Variants in AUTS2 observed in about 807,000 individuals in gnomAD.
AUTS2 encodes the protein activator of transcription and developmental regulator AUTS2.
A neutral mutation model predicts 112.4 loss-of-function variants in AUTS2; 17 were observed. The ratio of observed to expected loss-of-function variants is 0.15; its 90% CI spans 0.10 to 0.23. The LOEUF (loss-of-function observed/expected upper bound fraction) is 0.23. Among genes scored for constraint, AUTS2 ranks in the 10% least tolerant of loss-of-function variants. The pLI, the probability that AUTS2 is intolerant of heterozygous loss-of-function variation, is 1.00. For missense variants in AUTS2, 1,510 were observed against 1,701.6 expected (o/e 0.89, Z 1.98); for synonymous variants, 751 against 702.7 (o/e 1.07, Z -1.09).
At chr7:70,534,466 G>A (rs923092968) in intron 5 of AUTS2, among the ~76,000 whole-genome samples, 8 of 151,914 alleles carry the variant, frequency 5.3e-5, no homozygotes, top group Non-Finnish European at 7.4e-5. Flanking sequence ...TCACTCTGTC[G>A]CCCGGGCTGG....
At chr7:70,690,470 C>T (rs1214625059) in intron 5 of AUTS2, among the ~76,000 whole-genome samples, 1 of 152,192 alleles carries the variant, frequency 6.6e-6, no homozygotes, top group African/African-American at 2.4e-5. Context: ...AAGAAGCACA[C>T]AGCACATGCG....
intron 6 of AUTS2, among the ~76,000 whole-genome samples, chr7:70,708,367 G>T (rs745340467): frequency 1.8e-4 from 27 of 152,154 alleles, no homozygotes; most frequent in Non-Finnish European, 5.9e-5. Context: ...TTAAAGAAAT[G>T]ACATCAGTGG....
chr7:70,338,833 C>CTTATTTATTTATTTATTTATTTAT (rs60351906), intron 4 of AUTS2, among the ~76,000 whole-genome samples: 1 of 141,012 alleles, frequency 7.1e-6, no homozygotes, highest in Non-Finnish European at 1.5e-5. Flanking sequence ...AGCCTCATCT[C>CTTATTTATTTATTTATTTATTTAT]TTATTTATTT....
chr7:70,633,035 A>G (rs896975438), intron 5 of AUTS2, among the ~76,000 whole-genome samples: 2 of 152,186 alleles, frequency 1.3e-5, no homozygotes, highest in African/African-American at 4.8e-5. Context: ...GGAAATTCGC[A>G]TGGGGCGAGG....
At chr7:70,249,173 T>G (rs1034747857) in intron 4 of AUTS2, among the ~76,000 whole-genome samples, 1 of 152,102 alleles carries the variant, frequency 6.6e-6, no homozygotes, top group African/African-American at 2.4e-5. Flanking sequence ...TTTTTCTGGC[T>G]GCTTTTAAGT....
At chr7:70,002,691 C>T (rs1168865742) in intron 2 of AUTS2, among the ~76,000 whole-genome samples, 2 of 151,988 alleles carry the variant, frequency 1.3e-5, no homozygotes, top group Non-Finnish European at 2.9e-5. Context: ...AGTTAGCTGG[C>T]AATAAAGCTA....
At chr7:70,384,933 A>T (rs2129633333) in intron 4 of AUTS2, among the ~76,000 whole-genome samples, 1 of 152,286 alleles carries the variant, frequency 6.6e-6, no homozygotes, top group Middle Eastern at 3.4e-3. Flanking sequence ...CACAGAAGCC[A>T]GACATGTGGT....
intron 1 of AUTS2, among the ~76,000 whole-genome samples, chr7:69,659,385 A>AT (rs932882501): frequency 1.1e-4 from 17 of 148,684 alleles, no homozygotes; most frequent in Admixed American, 4.7e-4. Flanking sequence ...GGAGAGTGTA[A>AT]TTTTTTTTTC....
chr7:70,320,202 G>A (rs565188630), intron 4 of AUTS2, among the ~76,000 whole-genome samples: 2 of 152,072 alleles, frequency 1.3e-5, no homozygotes, highest in Non-Finnish European at 2.9e-5. Context: ...AAACTTTAAG[G>A]CACAGAGGTT....
chr7:70,565,515 C>CA (rs1203345406), intron 5 of AUTS2, among the ~76,000 whole-genome samples: 4 of 152,018 alleles, frequency 2.6e-5, no homozygotes, highest in African/African-American at 4.8e-5. Context: ...CCTGTCTCTA[C>CA]AAAAAAATAC....
intron 2 of AUTS2, among the ~76,000 whole-genome samples, chr7:70,065,123 G>A (rs969566184): frequency 6.6e-6 from 1 of 152,102 alleles, no homozygotes; most frequent in African/African-American, 2.4e-5. Flanking sequence ...CACAGCATCT[G>A]AACAAATCAC....
At chr7:69,785,188 A>G (rs940223006) in intron 1 of AUTS2, among the ~76,000 whole-genome samples, 1 of 152,242 alleles carries the variant, frequency 6.6e-6, no homozygotes, top group African/African-American at 2.4e-5. Context: ...TCAAATTATT[A>G]TGGAATGCTA....
chr7:70,556,244 G>A (rs1188065296), intron 5 of AUTS2, among the ~76,000 whole-genome samples: 2 of 152,116 alleles, frequency 1.3e-5, no homozygotes, highest in Non-Finnish European at 2.9e-5. Flanking sequence ...TCACTGTTAT[G>A]AGGACAGCAC....
At chr7:70,326,810 T>G (rs904381752) in intron 4 of AUTS2, among the ~76,000 whole-genome samples, 1 of 152,170 alleles carries the variant, frequency 6.6e-6, no homozygotes, top group Non-Finnish European at 1.5e-5. Context: ...TCAAGTCACA[T>G]TGGCATGCTT....
intron 4 of AUTS2, among the ~76,000 whole-genome samples, chr7:70,321,960 T>C (rs1419023286): frequency 2.0e-5 from 3 of 152,080 alleles, no homozygotes; most frequent in Non-Finnish European, 4.4e-5. Context: ...TGAGAAAAAA[T>C]TGAATTATTT....
chr7:69,976,222 T>C (rs766105611), intron 2 of AUTS2, among the ~76,000 whole-genome samples: 3 of 152,254 alleles, frequency 2.0e-5, no homozygotes, highest in African/African-American at 4.8e-5. Context: ...ATTTGACTAC[T>C]GTGGATACCT....
chr7:70,700,145 CT>C (rs143736341), intron 6 of AUTS2, among the ~76,000 whole-genome samples: 9,696 of 152,222 alleles, frequency 0.064, 420 homozygotes, highest in Non-Finnish European at 0.099. Context: ...CCCTCTGGTT[CT>C]TTCCCCCCCT....
chr7:70,674,616 T>C (rs1807818803), intron 5 of AUTS2, among the ~76,000 whole-genome samples: 1 of 152,210 alleles, frequency 6.6e-6, no homozygotes, highest in African/African-American at 2.4e-5. Context: ...CCTGGCCTTC[T>C]CCACCTCCTC....
intron 1 of AUTS2, among the ~76,000 whole-genome samples, chr7:69,644,801 A>G (rs968019184): frequency 3.3e-5 from 5 of 152,204 alleles, no homozygotes. Flanking sequence ...ATGGTGTAGT[A>G]TATATGTAGT....
Sources: gnomAD v4.1 joint callset for allele counts (sites outside exome capture counted in the v4.1 genomes callset) on GRCh38, gnomAD v4.1.1 for gene constraint, MANE v1.5 for transcripts, NCBI Gene and HGNC (gene_info 2026-07-23, HGNC 2026-07-21) for gene names.